The following MEGF11 variants were observed in gnomAD, a reference collection of about 807,000 sequenced individuals.
The protein encoded by MEGF11 is multiple epidermal growth factor-like domains protein 11.
In MEGF11, 126 loss-of-function variants were observed where a neutral mutation model predicts 146.6. The observed-to-expected ratio is 0.86, with a 90% CI of 0.74 to 1.00. MEGF11 has a LOEUF of 1.00. Ranked by LOEUF, MEGF11 falls within the 50% of genes least tolerant of loss-of-function variation. The pLI is 0.00. For missense variants in MEGF11, 1,509 were observed against 1,521.2 expected (o/e 0.99, Z 0.13); for synonymous variants, 532 against 583.4 (o/e 0.91, Z 1.27).
intron 5 of MEGF11, among the ~76,000 whole-genome samples, chr15:66,029,294 G>A (rs539840647): frequency 6.6e-6 from 1 of 152,208 alleles, no homozygotes; most frequent in East Asian, 1.9e-4. Flanking sequence ...CAAGTTCAAG[G>A]GCCTGGTGGC....
intron 5 of MEGF11, 108 bp downstream of exon 5, chr15:66,094,294 C>T (rs2086443078): frequency 2.3e-6 from 2 of 854,254 alleles, no homozygotes; most frequent in African/African-American, 1.7e-5. Context: ...GGTAGCCCAC[C>T]CCAAGTCGCC....
At chr15:65,959,171 G>A (rs890688794) in intron 9 of MEGF11, among the ~76,000 whole-genome samples, 2 of 152,332 alleles carry the variant, frequency 1.3e-5, no homozygotes, top group South Asian at 4.1e-4. Flanking sequence ...CCACTAGGTT[G>A]CAGCTCCGTG....
chr15:66,181,971 C>T (rs2090561846), intron 1 of MEGF11, among the ~76,000 whole-genome samples: 1 of 152,170 alleles, frequency 6.6e-6, no homozygotes, highest in Non-Finnish European at 1.5e-5. Flanking sequence ...CTGCCCAAGC[C>T]CCACCAAACC....
intron 5 of MEGF11, among the ~76,000 whole-genome samples, chr15:66,010,348 A>G (rs1470180366): frequency 6.6e-6 from 1 of 152,082 alleles, no homozygotes. Context: ...GTGCACCACC[A>G]TGCCATGCTA....
chr15:65,949,172 C>G (rs578026304), intron 10 of MEGF11, among the ~76,000 whole-genome samples: 1 of 152,240 alleles, frequency 6.6e-6, no homozygotes, highest in Non-Finnish European at 1.5e-5. Flanking sequence ...TCCCTAGTTC[C>G]AGCTTAGGAG....
chr15:66,085,657 G>A lies in MEGF11; in HGVS notation c.394+8745C>T, dbSNP rs532304164. Among the ~76,000 whole-genome samples the A allele has an allele frequency of 2.0e-5, 3 of 152,320 alleles. No individual in the cohort carries two copies. The South Asian group carries it at 6.2e-4, about 32-fold the overall frequency. Reference sequence around the variant, plus strand: ...ACTACATCAAGGGAATACCCCATGGGACAAAAGAATCTGAACAACAGCCTT... The same window carrying A: ...ACTACATCAAGGGAATACCCCATGGAACAAAAGAATCTGAACAACAGCCTT... On this transcript the variant is annotated intron_variant, in intron 5 of 25. Coordinates refer to ENST00000395614, the MANE Select transcript of MEGF11 (RefSeq NM_001385028.1).
intron 5 of MEGF11, among the ~76,000 whole-genome samples, chr15:66,001,409 C>T (rs2082363215): frequency 6.6e-6 from 1 of 152,158 alleles, no homozygotes; most frequent in Non-Finnish European, 1.5e-5. Flanking sequence ...CCCCTCAGGT[C>T]TCCAGCCTCT....
intron 23 of MEGF11, 92 bp downstream of exon 23, chr15:65,908,941 AC>A (rs1250000444): frequency 3.3e-5 from 25 of 753,884 alleles, no homozygotes; most frequent in Non-Finnish European, 5.5e-5. Context: ...TTCTGGGACC[AC>A]AGGGTGGGGG....
intron 1 of MEGF11, among the ~76,000 whole-genome samples, chr15:66,211,252 G>T (rs776014248): frequency 2.8e-4 from 43 of 152,218 alleles, no homozygotes; most frequent in Non-Finnish European, 5.9e-4. Flanking sequence ...AGCCGGGCTT[G>T]GTGGCTCACG....
chr15:65,988,008 C>CTTT (rs35039801), intron 5 of MEGF11, among the ~76,000 whole-genome samples: 9,829 of 93,460 alleles, frequency 0.11, 671 homozygotes, highest in Middle Eastern at 0.22. Context: ...AGTACCCGGT[C>CTTT]TTTTTTTTTT....
At chr15:66,081,067 G>A (rs987241134) in intron 5 of MEGF11, among the ~76,000 whole-genome samples, 1 of 152,234 alleles carries the variant, frequency 6.6e-6, no homozygotes, top group Non-Finnish European at 1.5e-5. Flanking sequence ...CCCACTGCAC[G>A]CATGAGCTAT....
chr15:66,176,718 CT>C (rs2090397105), intron 1 of MEGF11, among the ~76,000 whole-genome samples: 1 of 152,180 alleles, frequency 6.6e-6, no homozygotes, highest in Admixed American at 6.5e-5. Flanking sequence ...TTTTTTCTTG[CT>C]GCTGAGCCAG....
chr15:65,979,389 C>T (rs545050132), intron 7 of MEGF11, among the ~76,000 whole-genome samples: 4 of 152,334 alleles, frequency 2.6e-5, no homozygotes, highest in African/African-American at 7.2e-5. Context: ...GTGCCTGCAT[C>T]GATGGGCCCT....
intron 5 of MEGF11, among the ~76,000 whole-genome samples, chr15:66,029,668 C>T (rs1223861954): frequency 8.5e-5 from 13 of 152,194 alleles, no homozygotes; most frequent in Admixed American, 1.3e-4. Flanking sequence ...GGCCCTGGGC[C>T]ACCTGCCCCC....
At chr15:66,250,934 G>A (rs558986038) in intron 1 of MEGF11, among the ~76,000 whole-genome samples, 1 of 152,146 alleles carries the variant, frequency 6.6e-6, no homozygotes, top group East Asian at 1.9e-4. Context: ...AAAGAGAGAA[G>A]GGGCAAAATA....
intron 5 of MEGF11, among the ~76,000 whole-genome samples, chr15:66,013,925 A>G (rs529406854): frequency 6.6e-6 from 1 of 152,288 alleles, no homozygotes; most frequent in Non-Finnish European, 1.5e-5. Flanking sequence ...GGTCTTATCA[A>G]TTTCAACAGG....
At chr15:65,983,991 A>C (rs2081754434) in intron 5 of MEGF11, among the ~76,000 whole-genome samples, 1 of 152,200 alleles carries the variant, frequency 6.6e-6, no homozygotes, top group South Asian at 2.1e-4. Context: ...GACCAAGGTC[A>C]AGCGGTCAAT....
At position 65,916,277 on chromosome 15, in the gene MEGF11, CT is replaced by C; in HGVS notation, c.2216-2del. 2 of 1,553,886 alleles carry C rather than the reference CT, an allele frequency of 1.3e-6. No individual in the cohort carries two copies. Among genetic ancestry groups the C allele is most frequent in the Non-Finnish European group, 1.7e-6 (2 of 1,148,260 alleles). ...TTCCCAAAAAATGCTGCTGGGCAGC[CT>C]AGAGAAACAGGATTTCCAGTCACGA... On this transcript the variant is annotated splice_acceptor_variant, in intron 17 of 25. Coordinates refer to ENST00000395614, the MANE Select transcript of MEGF11 (RefSeq NM_001385028.1). LOFTEE classifies it high-confidence loss of function.
At chr15:66,174,514 G>A (rs2090342306) in intron 1 of MEGF11, among the ~76,000 whole-genome samples, 1 of 152,084 alleles carries the variant, frequency 6.6e-6, no homozygotes, top group Admixed American at 6.6e-5. Flanking sequence ...TAACATGTGG[G>A]GTTGGTTGGA....
Sources: allele counts gnomAD v4.1 joint callset (sites outside exome capture counted in the v4.1 genomes callset), GRCh38; gene constraint gnomAD v4.1.1; transcripts MANE v1.5; gene names NCBI Gene and HGNC (gene_info 2026-07-23, HGNC 2026-07-21).